STYXL1: variants seen among roughly 807,000 people sequenced by gnomAD.
The protein encoded by STYXL1 is serine/threonine/tyrosine interacting like 1, also known as serine/threonine/tyrosine-interacting-like protein 1.
Under a neutral mutation model 36.4 loss-of-function variants are expected in STYXL1, and 32 were observed. The ratio of observed to expected loss-of-function variants is 0.88; its 90% CI spans 0.66 to 1.18. The LOEUF is 1.18. STYXL1 is among the 50% of genes most tolerant of loss of function. The pLI, the probability that STYXL1 is intolerant of heterozygous loss-of-function variation, is 0.00. For missense variants in STYXL1, 354 were observed against 394.1 expected, an observed-to-expected ratio of 0.90 and a Z score of 0.86; for synonymous variants, 133 against 144.1, an observed-to-expected ratio of 0.92 and a Z score of 0.55.
intron 1 of STYXL1, among the ~76,000 whole-genome samples, chr7:76,034,988 G>A (rs377476787): frequency 7.7e-5 from 10 of 130,542 alleles, no homozygotes; most frequent in African/African-American, 1.9e-4. Flanking sequence ...CAGCATGGCC[G>A]AAATACAACT....
In STYXL1 at chr7:76,003,760, A is replaced by G. The variant is rs959138443; in HGVS notation, c.695T>C (p.Ile232Thr). Residue 232 changes from isoleucine to threonine, a missense_variant and splice_region_variant, in exon 7 of 9, where the codon ATT becomes ACT. Transcript: ENST00000359697. ...CCCGGCCAAGGAACGCTCCTTACCA[A>G]TGAAGTGACACATGTGGCGTAAGAA... ...LPFLRHMCHF[I>T]EIHHHLGSVI... The G allele has an allele frequency of 9.9e-6, 16 of 1,614,080 alleles. No homozygotes were observed. Among genetic ancestry groups the G allele is most frequent in the Non-Finnish European group, 1.4e-5 (16 of 1,179,966 alleles).
intron 4 of STYXL1, among the ~76,000 whole-genome samples, chr7:76,020,141 G>A (rs1287084971): frequency 1.3e-5 from 2 of 152,148 alleles, no homozygotes; most frequent in Non-Finnish European, 2.9e-5. Flanking sequence ...TATCCATGTT[G>A]AGTACCATCT....
chr7:75,996,352 A>G lies in STYXL1; in HGVS notation c.*116T>C. On this transcript the variant is annotated 3_prime_UTR_variant, in exon 9 of 9. Coordinates refer to ENST00000359697, the MANE Select transcript of STYXL1 (RefSeq NM_001317785.2). The stretch of plus-strand genomic sequence containing the variant: ...TACAGGAGGCTAACATGAGACTTTC[A>G]GGCAGCAAAGGCCTTCTCCTTCCAG... 1 of 1,592,276 alleles carries G rather than the reference A, an allele frequency of 6.3e-7. No homozygotes were observed.
intron 1 of STYXL1, among the ~76,000 whole-genome samples, chr7:76,042,390 C>CCTTTTTTTTTTTT (rs1796552134): frequency 4.8e-5 from 2 of 41,816 alleles, no homozygotes; most frequent in African/African-American, 1.3e-4. Flanking sequence ...CCCTTATGTG[C>CCTTTTTTTTTTTT]TTTTTTTTTT....
intron 1 of STYXL1, among the ~76,000 whole-genome samples, chr7:76,036,573 T>A (rs1554580736): frequency 1.3e-5 from 2 of 149,980 alleles, no homozygotes. Context: ...TATGTCACAA[T>A]TAGCCAGTTT....
chr7:76,004,250 C>A (rs1791357869), intron 6 of STYXL1, among the ~76,000 whole-genome samples: 1 of 152,134 alleles, frequency 6.6e-6, no homozygotes, highest in Non-Finnish European at 1.5e-5. Context: ...TGTGCCACCA[C>A]AACCGGCTAA....
At chr7:76,016,848 T>C (rs528787941) in intron 4 of STYXL1, among the ~76,000 whole-genome samples, 1 of 152,150 alleles carries the variant, frequency 6.6e-6, no homozygotes, top group East Asian at 1.9e-4. Context: ...GAACCAAAAA[T>C]AGAACTACCA....
intron 6 of STYXL1, among the ~76,000 whole-genome samples, chr7:76,004,892 T>C (rs1791463821): frequency 6.6e-6 from 1 of 150,974 alleles, no homozygotes; most frequent in Admixed American, 6.6e-5. Context: ...TCCCAGCTAC[T>C]GGGGAGGCTG....
At chr7:76,037,110 G>A (rs1795984837) in intron 1 of STYXL1, among the ~76,000 whole-genome samples, 1 of 149,846 alleles carries the variant, frequency 6.7e-6, no homozygotes, top group African/African-American at 2.4e-5. Flanking sequence ...CCCTTGGTGG[G>A]GTGTGGTAGC....
intron 1 of STYXL1, among the ~76,000 whole-genome samples, chr7:76,042,988 T>C (rs932636630): frequency 6.6e-6 from 1 of 152,090 alleles, no homozygotes; most frequent in Non-Finnish European, 1.5e-5. Flanking sequence ...TGGCGAGCTG[T>C]TGGCAAAGCA....
intron 1 of STYXL1, among the ~76,000 whole-genome samples, chr7:76,038,208 C>T (rs979553758): frequency 6.7e-6 from 1 of 149,334 alleles, no homozygotes; most frequent in African/African-American, 2.4e-5. Context: ...GTGCATGCCA[C>T]CACACCTAGC....
At position 76,021,773 on chromosome 7, in the gene STYXL1, T is replaced by A. The variant is rs570998013; in HGVS notation, c.307+78A>T. 3.3e-4 allele frequency: 358 copies of A among 1,070,276 alleles called. 3 individuals carry two copies. In the South Asian group the frequency reaches 4.1e-3, roughly 12 times the overall value. The allele number at this position is 1,070,276 out of a possible 1,614,324, so 66.3% of individuals were successfully genotyped here. A position where few individuals can be genotyped will look rare whatever the true frequency, so the allele number is the denominator to read the frequency against. On this transcript the variant is annotated intron_variant, in intron 4 of 8. Transcript: ENST00000359697. Reference sequence around the variant, plus strand: ...TTGGCCTGTTCCCGTGCCATGGGCATATGAACCTGTTGGTCCTATAACAAA... The same window carrying A: ...TTGGCCTGTTCCCGTGCCATGGGCAAATGAACCTGTTGGTCCTATAACAAA...
chr7:76,012,674 C>T (rs571492776), intron 5 of STYXL1, among the ~76,000 whole-genome samples: 5 of 152,234 alleles, frequency 3.3e-5, no homozygotes, highest in Admixed American at 1.3e-4. Flanking sequence ...GGATTATAGG[C>T]GTGAGCCACC....
At chr7:76,013,518 G>A (rs542586436) in intron 5 of STYXL1, among the ~76,000 whole-genome samples, 14 of 151,760 alleles carry the variant, frequency 9.2e-5, no homozygotes, top group Non-Finnish European at 1.6e-4. Context: ...TCTGCCTCCT[G>A]GGTTCAAGCA....
chr7:76,000,848 A>G (rs782650429), intron 8 of STYXL1, 42 bp downstream of exon 8: 1 of 1,574,002 alleles, frequency 6.4e-7, no homozygotes, highest in Admixed American at 1.7e-5. Flanking sequence ...CTCACCTCCC[A>G]GGGGGTGGCC....
Position 76,047,895 on chromosome 7 carries a change from C to G in STYXL1, c.-238G>C, listed in dbSNP as rs1585388737. The G allele has an allele frequency of 2.1e-6, 3 of 1,408,480 alleles. No individual in the cohort carries two copies. The highest frequency in any genetic ancestry group is 5.4e-5 in the East Asian group (2 of 36,932). 87.2% of individuals were successfully genotyped at this position (1,408,480 alleles called of 1,614,324 possible). A position where few individuals can be genotyped will look rare whatever the true frequency, so the allele number is the denominator to read the frequency against. On this transcript the variant is annotated 5_prime_UTR_variant, in exon 1 of 9. Transcript: ENST00000359697. ...TGGGTGCAGACTGGCCCTCCCACTC[C>G]GACCGCAGGTCCCCCACCGGCCACA...
At chr7:76,046,228 T>G (rs1337951570) in intron 1 of STYXL1, among the ~76,000 whole-genome samples, 2 of 151,560 alleles carry the variant, frequency 1.3e-5, no homozygotes, top group Non-Finnish European at 2.9e-5. Context: ...GAGTTGAATG[T>G]TCCATTGAGA....
intron 2 of STYXL1, 21 bp downstream of exon 2, chr7:76,030,400 C>T (rs372029564): frequency 7.5e-5 from 118 of 1,573,770 alleles, no homozygotes; most frequent in Middle Eastern, 5.0e-4. Context: ...TGACCTCCTC[C>T]GCTTTTTTCC....
chr7:76,003,964 G>T, intron 6 of STYXL1, 109 bp from the exon 7 acceptor site: 1 of 938,514 alleles, frequency 1.1e-6, no homozygotes, highest in East Asian at 2.6e-5. Context: ...CTGAGCTTGT[G>T]TAAGGGGGAA....
Sources: gnomAD v4.1 joint callset for allele counts (sites outside exome capture counted in the v4.1 genomes callset) on GRCh38, gnomAD v4.1.1 for gene constraint, MANE v1.5 for transcripts, NCBI Gene and HGNC (gene_info 2026-07-23, HGNC 2026-07-21) for gene names.